Variants in ZFX observed in about 807,000 individuals in gnomAD.
ZFX encodes the protein zinc finger X-chromosomal protein.
For missense variants in ZFX, 362 were observed against 628.3 expected (o/e 0.58, Z 4.53); for synonymous variants, 196 against 226.8 (o/e 0.86, Z 1.22).
chrX:24,181,828 G>A (rs1325756943), intron 5 of ZFX, among the ~76,000 whole-genome samples: 1 of 111,465 alleles, frequency 9.0e-6, no homozygotes, highest in Non-Finnish European at 1.9e-5. Flanking sequence ...GGAAAAATAC[G>A]TTACCCTGTT....
chrX:24,172,907 A>T, intron 4 of ZFX, 107 bp downstream of exon 4: 3 of 840,298 alleles, frequency 3.6e-6, no homozygotes, highest in Non-Finnish European at 4.9e-6. Context: ...TTATCTTGTT[A>T]TCCTGTCAAA....
chrX:24,209,704 C>T (rs764683669), intron 9 of ZFX, among the ~76,000 whole-genome samples: 20 of 110,771 alleles, frequency 1.8e-4, no homozygotes, highest in Admixed American at 1.5e-3. Flanking sequence ...ACCTTCCAAG[C>T]GGCTAGGATT....
Position 24,179,704 on chromosome X carries a change from A to T in ZFX, c.580A>T (p.Asn194Tyr). The T allele has an allele frequency of 8.3e-7, 1 of 1,211,517 alleles. No individual in the cohort carries two copies. Among genetic ancestry groups the T allele is most frequent in the Non-Finnish European group, 1.1e-6 (1 of 895,596 alleles). Residue 194 changes from asparagine to tyrosine, a missense_variant, in exon 5 of 10, where the codon AAT (asparagine) becomes TAT (tyrosine). Transcript: ENST00000304543. ...TGCCTCTGAAGCAGTCATAGATGCC[A>T]ATGGGATCCCTGTGGACCAGCAGGA... ...DCASEAVIDA[N>Y]GIPVDQQDDD...
intron 5 of ZFX, among the ~76,000 whole-genome samples, chrX:24,180,376 C>T (rs1238911645): frequency 7.2e-5 from 7 of 97,575 alleles, no homozygotes; most frequent in Non-Finnish European, 1.2e-4. Context: ...TCTAACCAAG[C>T]TACTTACTTT....
intron 3 of ZFX, among the ~76,000 whole-genome samples, chrX:24,168,770 T>G (rs748116558): frequency 9.2e-5 from 10 of 108,175 alleles, no homozygotes; most frequent in Non-Finnish European, 1.9e-4. Context: ...TTCTCGTAAC[T>G]GGGAAGGGAA....
At chrX:24,178,377 C>T (rs1192752203) in intron 4 of ZFX, among the ~76,000 whole-genome samples, 1 of 105,423 alleles carries the variant, frequency 9.5e-6, no homozygotes, top group Middle Eastern at 4.5e-3. Context: ...CAAGCTCTGC[C>T]TCCCGGGTTC....
intron 3 of ZFX, among the ~76,000 whole-genome samples, chrX:24,165,101 A>G (rs1320824792): frequency 9.5e-6 from 1 of 105,166 alleles, no homozygotes; most frequent in African/African-American, 3.5e-5. Flanking sequence ...AAATCCTAAT[A>G]CAGTATCAGA....
At chrX:24,190,762 T>C (rs1461184561) in intron 5 of ZFX, among the ~76,000 whole-genome samples, 1 of 112,315 alleles carries the variant, frequency 8.9e-6, no homozygotes, top group East Asian at 2.8e-4. Context: ...ATCTGGTATA[T>C]GGAAACTCAG....
chrX:24,200,188 TGAAGTAA>T (rs1937199879), intron 5 of ZFX, among the ~76,000 whole-genome samples: 1 of 110,724 alleles, frequency 9.0e-6, no homozygotes, highest in Admixed American at 9.7e-5. Context: ...GAATTCTAGG[TGAAGTAA>T]GAAGTAAGTG....
chrX:24,163,838 AAG>A (rs1491565581), intron 3 of ZFX, among the ~76,000 whole-genome samples: 17,953 of 84,811 alleles, frequency 0.21, 1,851 homozygotes, highest in South Asian at 0.49. Context: ...TTTTAAAAAA[AAG>A]AAAAAAAAAA....
At chrX:24,198,824 T>C (rs1003458305) in intron 5 of ZFX, among the ~76,000 whole-genome samples, 1 of 111,496 alleles carries the variant, frequency 9.0e-6, no homozygotes, top group African/African-American at 3.3e-5. Context: ...CAGAGACTTA[T>C]TTTTGAGACA....
intron 5 of ZFX, among the ~76,000 whole-genome samples, chrX:24,188,941 G>A (rs756806991): frequency 2.0e-4 from 22 of 111,248 alleles, no homozygotes; most frequent in African/African-American, 7.2e-4. Context: ...GGGTTCAAGC[G>A]ATTCTACTGC....
intron 5 of ZFX, among the ~76,000 whole-genome samples, chrX:24,182,348 C>A (rs745537096): frequency 9.0e-6 from 1 of 111,515 alleles, no homozygotes; most frequent in East Asian, 2.8e-4. Context: ...CCAGAGCATG[C>A]TTGTCGAGTG....
In ZFX at chrX:24,216,114, C is replaced by T. The variant is rs1214218482; in HGVS notation, c.*4738C>T. The stretch of plus-strand genomic sequence containing the variant: ...ACCCTAGTGGAGTGTTGGCTATAGA[C>T]AAGGTATATACTCGAAACGAGGAGA... On this transcript the variant is annotated 3_prime_UTR_variant, in exon 10 of 10. Coordinates refer to ENST00000304543, the MANE Select transcript of ZFX (RefSeq NM_003410.4). The T allele has an allele frequency of 9.0e-6, 1 of 111,321 alleles. No individual in the cohort carries two copies. Among genetic ancestry groups the T allele is most frequent in the Non-Finnish European group, 1.9e-5 (1 of 53,059 alleles). The allele number at this position is 111,321 out of a possible 1,213,427, so 9.2% of individuals were successfully genotyped here.
intron 3 of ZFX, among the ~76,000 whole-genome samples, chrX:24,155,845 C>T (rs1408337760): frequency 8.9e-6 from 1 of 112,452 alleles, no homozygotes; most frequent in East Asian, 2.8e-4. Context: ...ACCTTTGGTT[C>T]ATTTTTCTGT....
chrX:24,187,176 G>T (rs1216554315), intron 5 of ZFX, among the ~76,000 whole-genome samples: 1 of 111,924 alleles, frequency 8.9e-6, no homozygotes, highest in African/African-American at 3.3e-5. Context: ...CTATCTGCAG[G>T]TCTGATCATA....
At chrX:24,186,998 T>G (rs763479293) in intron 5 of ZFX, among the ~76,000 whole-genome samples, 3 of 112,214 alleles carry the variant, frequency 2.7e-5, no homozygotes, top group South Asian at 7.4e-4. Context: ...AACGATAAAT[T>G]TCTTCCCTAC....
intron 4 of ZFX, among the ~76,000 whole-genome samples, chrX:24,176,998 T>C (rs1314638129): frequency 8.9e-6 from 1 of 111,960 alleles, no homozygotes; most frequent in Non-Finnish European, 1.9e-5. Flanking sequence ...AGTGGCTCAA[T>C]CTCGGCTTAC....
At chrX:24,199,619 A>G (rs1937154620) in intron 5 of ZFX, among the ~76,000 whole-genome samples, 1 of 110,956 alleles carries the variant, frequency 9.0e-6, no homozygotes, top group Non-Finnish European at 1.9e-5. Flanking sequence ...GAGAAATGGG[A>G]TCAAGAGTTT....
Sources: gnomAD v4.1 joint callset for allele counts (sites outside exome capture counted in the v4.1 genomes callset) on GRCh38, gnomAD v4.1.1 for gene constraint, MANE v1.5 for transcripts, NCBI Gene and HGNC (gene_info 2026-07-23, HGNC 2026-07-21) for gene names.